VPS13B: variants seen among roughly 807,000 people sequenced by gnomAD.
VPS13B encodes vacuolar protein sorting 13 homolog B, also known as intermembrane lipid transfer protein VPS13B.
VPS13B carries 285 observed loss-of-function variants against 426.4 expected under a neutral mutation model. The ratio of observed to expected loss-of-function variants is 0.67; its 90% confidence interval spans 0.61 to 0.74. The LOEUF is 0.74. Among genes scored for constraint, VPS13B ranks in the 30% least tolerant of loss-of-function variants. The pLI is 0.00. For missense variants in VPS13B, 4,537 were observed against 4,782.6 expected, an observed-to-expected ratio of 0.95 and a Z score of 1.51; for synonymous variants, 1,676 against 1,676.4, an observed-to-expected ratio of 1.00 and a Z score of 0.01.
chr8:99,446,280 A>G (rs1817916986), intron 23 of VPS13B, among the ~76,000 whole-genome samples: 1 of 151,614 alleles, frequency 6.6e-6, no homozygotes, highest in South Asian at 2.1e-4. Flanking sequence ...ATCCTTGTTT[A>G]TAGTTATTTT....
chr8:99,517,921 TA>T (rs1243743567), intron 29 of VPS13B, among the ~76,000 whole-genome samples: 1 of 152,046 alleles, frequency 6.6e-6, no homozygotes, highest in Admixed American at 6.6e-5. Flanking sequence ...ATATTTTTAT[TA>T]TTTTTTTTTA....
intron 19 of VPS13B, among the ~76,000 whole-genome samples, chr8:99,344,860 A>C (rs1811452992): frequency 6.6e-6 from 1 of 152,058 alleles, no homozygotes; most frequent in African/African-American, 2.4e-5. Flanking sequence ...TTCAGTATTA[A>C]AGTAGTCAGA....
intron 34 of VPS13B, among the ~76,000 whole-genome samples, chr8:99,655,382 A>G (rs1448107093): frequency 6.6e-6 from 1 of 152,180 alleles, no homozygotes; most frequent in Non-Finnish European, 1.5e-5. Flanking sequence ...AAGGGACCAG[A>G]GTGAGACTTT....
chr8:99,738,275 A>G (rs1378321383), intron 39 of VPS13B, among the ~76,000 whole-genome samples: 1 of 152,198 alleles, frequency 6.6e-6, no homozygotes, highest in Non-Finnish European at 1.5e-5. Context: ...TTAACCCTTT[A>G]TCATGACACC....
At chr8:99,299,224 G>A (rs1820222028) in intron 19 of VPS13B, among the ~76,000 whole-genome samples, 1 of 151,686 alleles carries the variant, frequency 6.6e-6, no homozygotes, top group Non-Finnish European at 1.5e-5. Flanking sequence ...ACTACACCCG[G>A]CTAATTTTTT....
At chr8:99,485,640 A>G (rs1402394457) in intron 25 of VPS13B, among the ~76,000 whole-genome samples, 3 of 152,184 alleles carry the variant, frequency 2.0e-5, no homozygotes, top group Non-Finnish European at 2.9e-5. Context: ...CATATATTCT[A>G]TATTTAAATC....
chr8:99,679,070 C>T (rs913015959), intron 35 of VPS13B, among the ~76,000 whole-genome samples: 2 of 152,162 alleles, frequency 1.3e-5, no homozygotes, highest in Admixed American at 1.3e-4. Flanking sequence ...TTTGCCCACT[C>T]TAATTCTCAG....
chr8:99,485,412 A>C (rs975873508), intron 25 of VPS13B, among the ~76,000 whole-genome samples: 1 of 152,232 alleles, frequency 6.6e-6, no homozygotes, highest in African/African-American at 2.4e-5. Context: ...ATTATAACTC[A>C]GAGCTTGCTA....
intron 19 of VPS13B, among the ~76,000 whole-genome samples, chr8:99,329,327 C>G (rs992618838): frequency 1.3e-5 from 2 of 151,928 alleles, no homozygotes; most frequent in African/African-American, 4.8e-5. Flanking sequence ...ACAATCAATG[C>G]TTATATTCAA....
At chr8:99,164,839 CCT>C (rs1175719264) in intron 15 of VPS13B, among the ~76,000 whole-genome samples, 1 of 151,984 alleles carries the variant, frequency 6.6e-6, no homozygotes, top group Non-Finnish European at 1.5e-5. Context: ...TCTGTCTCTT[CCT>C]CTCTCTGTCT....
At chr8:99,304,406 T>A (rs1820533718) in intron 19 of VPS13B, among the ~76,000 whole-genome samples, 1 of 151,650 alleles carries the variant, frequency 6.6e-6, no homozygotes, top group African/African-American at 2.4e-5. Flanking sequence ...AAAATCATGT[T>A]TTGTTTTTTT....
chr8:99,672,049 C>T (rs927186551), intron 35 of VPS13B, among the ~76,000 whole-genome samples: 1 of 152,056 alleles, frequency 6.6e-6, no homozygotes, highest in Non-Finnish European at 1.5e-5. Flanking sequence ...TGAAGTCAGA[C>T]AGTGTGATGC....
At chr8:99,353,465 G>T (rs1418529860) in intron 19 of VPS13B, among the ~76,000 whole-genome samples, 1 of 152,252 alleles carries the variant, frequency 6.6e-6, no homozygotes. Context: ...GTGGAGCAGT[G>T]TGTTGTAAAG....
rs775559034 is a variant in VPS13B at position 99,147,869 on chromosome 8, G to T, written c.1872G>T (p.Leu624=). 6.3e-7 allele frequency: 1 copy of T among 1,589,496 alleles called. No homozygotes were observed. The highest frequency in any genetic ancestry group is 1.2e-5 in the South Asian group (1 of 83,590). ...TTAAGGATGAAAATGAAACAATACT[G>T]AATCCTGAAGAGGTGGCTCTTCTGG... ...SDIKDENETI[L]NPEEVALLEE... is the part of the protein sequence containing the mutation. Residue 624 remains leucine, a synonymous_variant, in exon 14 of 62, where the codon CTG becomes CTT. Transcript: ENST00000357162.
chr8:99,201,879 T>A (rs974811675), intron 17 of VPS13B, among the ~76,000 whole-genome samples: 1 of 152,218 alleles, frequency 6.6e-6, no homozygotes, highest in Non-Finnish European at 1.5e-5. Flanking sequence ...TCAATAACTA[T>A]ATATGACTAA....
At chr8:99,030,459 TGA>T (rs1179456397) in intron 2 of VPS13B, among the ~76,000 whole-genome samples, 6 of 87,260 alleles carry the variant, frequency 6.9e-5, no homozygotes, top group South Asian at 1.0e-3. Flanking sequence ...TATGAGTGAG[TGA>T]GTGTGTGTGT....
intron 54 of VPS13B, among the ~76,000 whole-genome samples, chr8:99,848,438 A>T (rs1465528437): frequency 6.6e-6 from 1 of 152,126 alleles, no homozygotes; most frequent in African/African-American, 2.4e-5. Context: ...TCCCACAAAG[A>T]TCCATATGCA....
At chr8:99,096,068 G>C (rs1189962092) in intron 3 of VPS13B, among the ~76,000 whole-genome samples, 3 of 152,098 alleles carry the variant, frequency 2.0e-5, no homozygotes, top group Admixed American at 2.0e-4. Flanking sequence ...CAAGTAGTTT[G>C]TTTTGATATC....
In VPS13B at chr8:99,831,068, G is replaced by GTTTTTTTCTTTT. The variant is rs1563496869; in HGVS notation, c.9331-1293_9331-1282dup. On this transcript the variant is annotated intron_variant, in intron 51 of 61. Transcript: ENST00000357162. The stretch of plus-strand genomic sequence containing the variant: ...TCAGCCATCTTGCCCGGGAATTGGT[G>GTTTTTTTCTTTT]TTTTTTTCTTTTTTTTTTTTTTGAG... 7.1e-5 allele frequency among the ~76,000 whole-genome samples: 7 copies of GTTTTTTTCTTTT among 98,210 alleles called. 1 individual carries two copies. In the South Asian group the frequency reaches 1.5e-3, roughly 21 times the overall value. The allele number at this position is 98,210 out of a possible 152,430, so 64.4% of individuals were successfully genotyped here. A position where few individuals can be genotyped will look rare whatever the true frequency, so the allele number is the denominator to read the frequency against.
Sources: gnomAD v4.1 joint callset for allele counts (sites outside exome capture counted in the v4.1 genomes callset) on GRCh38, gnomAD v4.1.1 for gene constraint, MANE v1.5 for transcripts, NCBI Gene and HGNC (gene_info 2026-07-23, HGNC 2026-07-21) for gene names.